Variants in TENM2 observed in about 807,000 individuals in gnomAD.
The protein encoded by TENM2 is teneurin transmembrane protein 2, also known as teneurin-2.
A neutral mutation model predicts 245.2 loss-of-function variants in TENM2; 52 were observed. That is an observed-to-expected ratio of 0.21 (90% CI 0.17 to 0.27). TENM2 has a LOEUF of 0.27. Ranked by LOEUF, TENM2 falls within the 10% of genes least tolerant of loss-of-function variation. TENM2 has a pLI of 1.00. For missense variants in TENM2, 3,046 were observed against 3,666.8 expected, an observed-to-expected ratio of 0.83 and a Z score of 4.37; for synonymous variants, 1,363 against 1,438.9, an observed-to-expected ratio of 0.95 and a Z score of 1.19.
the TENM2 span, among the ~76,000 whole-genome samples, chr5:167,085,641 A>C: frequency 6.6e-6 from 1 of 152,216 alleles, no homozygotes; most frequent in African/African-American, 2.4e-5. Context: ...ATAAGGATAC[A>C]TCACTGCAAA....
In TENM2 at chr5:167,810,621, GA is replaced by G. The variant is rs113028007; in HGVS notation, c.503-65354del. ...AAGGTCAAGAGAGGTGGAGAGAGAG[GA>G]AAAAAAAAAAGAAAACTCTAATTAA... On this transcript the variant is annotated intron_variant, in intron 2 of 28. Transcript: ENST00000518659. 3.4e-3 allele frequency among the ~76,000 whole-genome samples: 491 copies of G among 142,360 alleles called. 2 individuals carry two copies. The highest frequency in any genetic ancestry group is 6.4e-3 in the African/African-American group (249 of 39,046). 93.4% of individuals were successfully genotyped at this position (142,360 alleles called of 152,430 possible).
intron 25 of TENM2, among the ~76,000 whole-genome samples, chr5:168,237,984 A>C (rs1348481482): frequency 6.6e-6 from 1 of 151,234 alleles, no homozygotes; most frequent in Non-Finnish European, 1.5e-5. Context: ...CTACTAAAAA[A>C]ATACAAAAAA....
chr5:167,708,490 G>C (rs1000907490), intron 2 of TENM2, among the ~76,000 whole-genome samples: 9 of 152,130 alleles, frequency 5.9e-5, no homozygotes, highest in African/African-American at 2.2e-4. Context: ...CCATATTCCT[G>C]AGTTCTAGCC....
At chr5:167,676,430 T>A (rs1467796155) in intron 2 of TENM2, among the ~76,000 whole-genome samples, 1 of 152,134 alleles carries the variant, frequency 6.6e-6, no homozygotes, top group African/African-American at 2.4e-5. Flanking sequence ...GAAAACTCAA[T>A]GCACCTGCTC....
intron 4 of TENM2, 99 bp downstream of exon 6, chr5:167,952,921 A>AC: frequency 1.0e-6 from 1 of 962,780 alleles, no homozygotes. Context: ...AGTCGGAGAG[A>AC]CCCTCTGGGT....
At chr5:167,975,614 T>C (rs1172511237) in intron 4 of TENM2, among the ~76,000 whole-genome samples, 2 of 152,126 alleles carry the variant, frequency 1.3e-5, no homozygotes, top group Non-Finnish European at 2.9e-5. Flanking sequence ...GGGGTTGCCA[T>C]AAAGCTTAGT....
chr5:167,410,793 A>T (rs1313103059), intron 2 of TENM2, among the ~76,000 whole-genome samples: 1 of 152,054 alleles, frequency 6.6e-6, no homozygotes, highest in African/African-American at 2.4e-5. Flanking sequence ...GGGTCCTAAA[A>T]GAAGAGAGTT....
chr5:167,535,475 A>G (rs1234105713), intron 2 of TENM2, among the ~76,000 whole-genome samples: 1 of 152,162 alleles, frequency 6.6e-6, no homozygotes, highest in African/African-American at 2.4e-5. Context: ...GAAGACTAAG[A>G]TTAAGCCATG....
intron 5 of TENM2, among the ~76,000 whole-genome samples, chr5:168,041,442 C>T (rs1304264084): frequency 2.0e-5 from 3 of 150,148 alleles, no homozygotes; most frequent in Non-Finnish European, 4.4e-5. Context: ...ACCACTCCTC[C>T]TTCTCACTAA....
chr5:168,190,813 C>T (rs1267675354), intron 14 of TENM2: 2 of 323,014 alleles, frequency 6.2e-6, no homozygotes, highest in Non-Finnish European at 1.1e-5. Flanking sequence ...GTTTTTAGAT[C>T]ATTTTTAAAA....
intron 2 of TENM2, chr5:167,755,084 G>A (rs377302540): frequency 1.1e-5 from 18 of 1,598,754 alleles, no homozygotes; most frequent in Admixed American, 5.0e-5. Flanking sequence ...GATCATTAGC[G>A]TTGCTGGCAC....
chr5:167,908,987 T>A (rs1283690097), intron 3 of TENM2, among the ~76,000 whole-genome samples: 1 of 152,090 alleles, frequency 6.6e-6, no homozygotes, highest in Non-Finnish European at 1.5e-5. Context: ...TATGCATGAC[T>A]TAAATAATAT....
intron 2 of TENM2, among the ~76,000 whole-genome samples, chr5:167,803,575 C>T (rs1765934201): frequency 6.6e-6 from 1 of 152,022 alleles, no homozygotes; most frequent in Non-Finnish European, 1.5e-5. Flanking sequence ...TTTTCCATTA[C>T]CAGGACACAG....
chr5:167,890,881 C>T (rs906558519), intron 3 of TENM2, among the ~76,000 whole-genome samples: 2 of 152,142 alleles, frequency 1.3e-5, no homozygotes, highest in Non-Finnish European at 2.9e-5. Flanking sequence ...TTAGGAAACA[C>T]TATCATGTGT....
chr5:167,053,366 C>A, the TENM2 span, among the ~76,000 whole-genome samples: 1 of 152,106 alleles, frequency 6.6e-6, no homozygotes, highest in Non-Finnish European at 1.5e-5. Context: ...GAAGCACTTG[C>A]GTGATATTGG....
At chr5:167,843,537 C>T (rs1583164937) in intron 2 of TENM2, among the ~76,000 whole-genome samples, 1 of 152,060 alleles carries the variant, frequency 6.6e-6, no homozygotes. Context: ...ACTTATTTCA[C>T]TCTGTATTCT....
At chr5:167,711,258 T>A (rs1410568994) in intron 2 of TENM2, among the ~76,000 whole-genome samples, 1 of 152,212 alleles carries the variant, frequency 6.6e-6, no homozygotes, top group South Asian at 2.1e-4. Context: ...CCAGGCTAGG[T>A]GATTGACTAA....
chr5:167,653,824 G>A (rs765069748), intron 2 of TENM2: 1 of 152,220 alleles, frequency 6.6e-6, no homozygotes, highest in Non-Finnish European at 1.5e-5. Flanking sequence ...GGCTTTTGAA[G>A]AAACCACTGG....
chr5:167,987,558 T>A (rs1481766971), intron 4 of TENM2, among the ~76,000 whole-genome samples: 2 of 152,048 alleles, frequency 1.3e-5, no homozygotes, highest in Non-Finnish European at 2.9e-5. Context: ...TGACCTCAAA[T>A]GATTCGCCTG....
Sources: allele counts gnomAD v4.1 joint callset (sites outside exome capture counted in the v4.1 genomes callset), GRCh38; gene constraint gnomAD v4.1.1; transcripts MANE v1.5; gene names NCBI Gene and HGNC (gene_info 2026-07-23, HGNC 2026-07-21).